Variants in LEPR observed in about 807,000 individuals in gnomAD.
The protein encoded by LEPR is leptin receptor.
A neutral mutation model predicts 114.7 loss-of-function variants in LEPR; 56 were observed. The ratio of observed to expected loss-of-function variants is 0.49; its 90% confidence interval spans 0.39 to 0.61. The LOEUF (loss-of-function observed/expected upper bound fraction) is 0.61. Among genes scored for constraint, LEPR ranks in the 20% least tolerant of loss-of-function variants. LEPR has a pLI of 0.00. For synonymous variants in LEPR, 443 were observed against 461.4 expected (o/e 0.96, Z 0.51); for missense variants, 1,202 against 1,352.9 (o/e 0.89, Z 1.75).
intron 2 of LEPR, chr1:65,525,522 C>T (rs1409531519): frequency 1.6e-6 from 1 of 637,886 alleles, no homozygotes; most frequent in Non-Finnish European, 2.0e-6. Flanking sequence ...ACCGCCCTAG[C>T]CGCTCGAGTC....
At chr1:65,585,504 C>G (rs1379210094) in intron 5 of LEPR, among the ~76,000 whole-genome samples, 1 of 151,988 alleles carries the variant, frequency 6.6e-6, no homozygotes, top group African/African-American at 2.4e-5. Flanking sequence ...AATTATATCT[C>G]TACCTTTTGT....
rs17414638 is a variant in LEPR at position 65,617,238 on chromosome 1, G to A, written c.2213-726G>A. On this transcript the variant is annotated intron_variant, in intron 15 of 19. Transcript: ENST00000349533. ...TGTCTATTTGCAAACTGAGAGATAA[G>A]GGCCTGCAGGAAAGGAATATAATTT... 0.02 allele frequency among the ~76,000 whole-genome samples: 2,984 copies of A among 152,128 alleles called. 153 individuals are homozygous for A. In the South Asian group the frequency reaches 0.2, roughly 10 times the overall value.
intron 2 of LEPR, among the ~76,000 whole-genome samples, chr1:65,450,798 G>A (rs1024744391): frequency 6.6e-6 from 1 of 151,824 alleles, no homozygotes; most frequent in African/African-American, 2.4e-5. Flanking sequence ...ACCCAGTAAT[G>A]GGATGGCTGG....
chr1:65,426,214 G>A (rs1646362314), intron 2 of LEPR, among the ~76,000 whole-genome samples: 1 of 152,140 alleles, frequency 6.6e-6, no homozygotes, highest in African/African-American at 2.4e-5. Flanking sequence ...CACCAGGAAA[G>A]CTGAATGCTA....
At chr1:65,598,432 A>G (rs1310246829) in intron 7 of LEPR, among the ~76,000 whole-genome samples, 1 of 152,100 alleles carries the variant, frequency 6.6e-6, no homozygotes, top group African/African-American at 2.4e-5. Flanking sequence ...AGTATTTGTT[A>G]ATTATCATTA....
intron 2 of LEPR, among the ~76,000 whole-genome samples, chr1:65,441,135 A>G (rs1646643644): frequency 6.6e-6 from 1 of 152,236 alleles, no homozygotes; most frequent in Admixed American, 6.5e-5. Context: ...TCTCATGAAA[A>G]CATGTTTTCA....
At position 65,430,128 on chromosome 1, in the gene LEPR, G is replaced by A. The variant is rs562637327; in HGVS notation, c.-21+4750G>A. 7.0e-5 allele frequency: 88 copies of A among 1,254,272 alleles called. 1 individual carries two copies. In the Middle Eastern group the frequency reaches 1.4e-3, roughly 20 times the overall value. The allele number at this position is 1,254,272 out of a possible 1,614,324, so 77.7% of individuals were successfully genotyped here. ...CCTGTGTCTGGGACCTCCATTTCAT[G>A]CTCATTACTTAGGCTTTATACTCAA... is the stretch of plus-strand genomic sequence containing the variant. On this transcript the variant is annotated intron_variant, in intron 2 of 19. Transcript: ENST00000349533.
chr1:65,612,778 A>C (rs1657258388), intron 14 of LEPR, among the ~76,000 whole-genome samples: 1 of 152,084 alleles, frequency 6.6e-6, no homozygotes, highest in Non-Finnish European at 1.5e-5. Context: ...TCTCATGATT[A>C]ATTTAGGGTT....
In LEPR at chr1:65,636,853, C is replaced by T; in HGVS notation, c.3336C>T (p.Asp1112=). 1.9e-6 allele frequency: 3 copies of T among 1,611,940 alleles called. No homozygotes were observed. Among genetic ancestry groups the T allele is most frequent in the Non-Finnish European group, 2.5e-6 (3 of 1,179,178 alleles). The change falls in exon 20 of 20, where the codon GAC becomes GAT. Residue 1112 remains aspartate (D), a synonymous_variant. Transcript: ENST00000349533. The stretch of plus-strand genomic sequence containing the variant: ...TCCCAGCCCCCTGTTTATTCACGGA[C>T]ATCAGAGTTCTCCAGGACAGTTGCT... ...CPFPAPCLFT[D]IRVLQDSCSH...
intron 5 of LEPR, among the ~76,000 whole-genome samples, chr1:65,579,432 A>C (rs1041248080): frequency 3.9e-5 from 6 of 152,252 alleles, no homozygotes; most frequent in Non-Finnish European, 8.8e-5. Flanking sequence ...GGCCAATTCC[A>C]TGAAAAGAGC....
intron 2 of LEPR, among the ~76,000 whole-genome samples, chr1:65,519,007 T>TC (rs1347998368): frequency 1.6e-5 from 2 of 123,112 alleles, no homozygotes; most frequent in African/African-American, 2.5e-5. Context: ...TCTTTCTTCT[T>TC]TCTTTCTCTT....
At chr1:65,515,743 A>C (rs1649253125) in intron 2 of LEPR, among the ~76,000 whole-genome samples, 1 of 152,196 alleles carries the variant, frequency 6.6e-6, no homozygotes, top group Admixed American at 6.5e-5. Flanking sequence ...ATATGAGTAG[A>C]CTATCGTATT....
rs866614943 is a variant in LEPR at position 65,508,030 on chromosome 1, T to C, written c.-20-57516T>C. ...TGGAAATTCTTTGCCAGTTTTTTCA[T>C]TGGGTTATTTGTTTTCTTGTTATTG... is the stretch of plus-strand genomic sequence containing the variant. On this transcript the variant is annotated intron_variant, in intron 2 of 19. Transcript: ENST00000349533. 1.9e-4 allele frequency among the ~76,000 whole-genome samples: 29 copies of C among 152,198 alleles called. 1 individual carries two copies. The highest frequency in any genetic ancestry group is 3.8e-4 in the East Asian group (2 of 5,196).
At chr1:65,472,444 A>G (rs1647096974) in intron 2 of LEPR, among the ~76,000 whole-genome samples, 1 of 137,810 alleles carries the variant, frequency 7.3e-6, no homozygotes, top group East Asian at 2.0e-4. Context: ...ACACACACAC[A>G]CGTGTGTATA....
At chr1:65,445,467 C>T (rs560168930) in intron 2 of LEPR, among the ~76,000 whole-genome samples, 3 of 152,286 alleles carry the variant, frequency 2.0e-5, no homozygotes, top group South Asian at 2.1e-4. Context: ...ATCTTGTTCA[C>T]GTATCCACTA....
chr1:65,616,628 A>G (rs1438009196), intron 15 of LEPR, among the ~76,000 whole-genome samples: 1 of 152,030 alleles, frequency 6.6e-6, no homozygotes, highest in Non-Finnish European at 1.5e-5. Context: ...TATATTTAAC[A>G]CTATGTAAAA....
At chr1:65,442,012 TGA>T (rs964081323) in intron 2 of LEPR, among the ~76,000 whole-genome samples, 2 of 152,010 alleles carry the variant, frequency 1.3e-5, no homozygotes, top group Non-Finnish European at 2.9e-5. Context: ...TAATGTGGGC[TGA>T]GAGAGAAGAG....
At chr1:65,550,196 G>C (rs973547781) in intron 2 of LEPR, among the ~76,000 whole-genome samples, 1 of 152,076 alleles carries the variant, frequency 6.6e-6, no homozygotes. Flanking sequence ...AGGAGTACCC[G>C]GCCGTGGGAG....
chr1:65,544,445 C>A (rs1651490011), intron 2 of LEPR, among the ~76,000 whole-genome samples: 1 of 151,964 alleles, frequency 6.6e-6, no homozygotes, highest in African/African-American at 2.4e-5. Flanking sequence ...CTTTCTCTTG[C>A]CTGATTTCCC....
Sources: allele counts gnomAD v4.1 joint callset (sites outside exome capture counted in the v4.1 genomes callset), GRCh38; gene constraint gnomAD v4.1.1; transcripts MANE v1.5; gene names NCBI Gene and HGNC (gene_info 2026-07-23, HGNC 2026-07-21).